DTNBP1: variants seen among roughly 807,000 people sequenced by gnomAD.
The protein encoded by DTNBP1 is dysbindin.
Under a neutral mutation model 42.8 loss-of-function variants are expected in DTNBP1, and 35 were observed. The ratio of observed to expected loss-of-function variants is 0.82; its 90% confidence interval spans 0.63 to 1.09. DTNBP1 has a LOEUF of 1.09. Ranked by LOEUF, DTNBP1 falls within the 50% of genes least tolerant of loss-of-function variation. DTNBP1 has a pLI of 0.00. For synonymous variants in DTNBP1, 171 were observed against 162.2 expected, an observed-to-expected ratio of 1.05 and a Z score of -0.41; for missense variants, 457 against 424.2, an observed-to-expected ratio of 1.08 and a Z score of -0.68.
intron 7 of DTNBP1, among the ~76,000 whole-genome samples, chr6:15,570,887 T>TA (rs1316622199): frequency 1.3e-5 from 2 of 151,918 alleles, no homozygotes; most frequent in African/African-American, 4.8e-5. Flanking sequence ...ACTTAGAAAA[T>TA]AAAAAATTAG....
intron 5 of DTNBP1, among the ~76,000 whole-genome samples, chr6:15,622,937 T>G (rs947730129): frequency 6.6e-6 from 1 of 152,218 alleles, no homozygotes; most frequent in African/African-American, 2.4e-5. Flanking sequence ...ATAATTAGCC[T>G]TATGGAACAA....
At chr6:15,641,184 A>C (rs1426197052) in intron 3 of DTNBP1, among the ~76,000 whole-genome samples, 1 of 152,156 alleles carries the variant, frequency 6.6e-6, no homozygotes, top group Non-Finnish European at 1.5e-5. Flanking sequence ...TCAATAACAG[A>C]TGCAATTGTT....
At chr6:15,545,920 C>T (rs747570688) in intron 7 of DTNBP1, 5 of 358,452 alleles carry the variant, frequency 1.4e-5, no homozygotes, top group Admixed American at 3.7e-5. Context: ...GTTTAGAAGA[C>T]CGGGGTCTGA....
At chr6:15,640,529 A>T (rs1307403447) in intron 3 of DTNBP1, among the ~76,000 whole-genome samples, 1 of 152,260 alleles carries the variant, frequency 6.6e-6, no homozygotes, top group Admixed American at 6.5e-5. Context: ...AGTTAGGAAG[A>T]TGAACACACA....
intron 7 of DTNBP1, among the ~76,000 whole-genome samples, chr6:15,573,026 C>T (rs916325635): frequency 1.3e-5 from 2 of 152,188 alleles, no homozygotes; most frequent in African/African-American, 4.8e-5. Flanking sequence ...GCCACCACAC[C>T]TAGAATTCCA....
intron 7 of DTNBP1, among the ~76,000 whole-genome samples, chr6:15,538,980 C>T (rs933142913): frequency 2.0e-5 from 3 of 152,138 alleles, no homozygotes; most frequent in Non-Finnish European, 4.4e-5. Flanking sequence ...CCGTTATCTG[C>T]CTTAGTCCCT....
chr6:15,598,449 A>C (rs1776596285), intron 6 of DTNBP1, among the ~76,000 whole-genome samples: 2 of 152,196 alleles, frequency 1.3e-5, no homozygotes, highest in Admixed American at 6.5e-5. Context: ...TCATGTGTAG[A>C]AATGTTTAGG....
chr6:15,593,319 A>G (rs1362551881), intron 6 of DTNBP1, among the ~76,000 whole-genome samples: 1 of 152,218 alleles, frequency 6.6e-6, no homozygotes, highest in Non-Finnish European at 1.5e-5. Context: ...CAGAATCCAA[A>G]TAATAATCTA....
chr6:15,532,590 A>G (rs1308479490), intron 8 of DTNBP1, among the ~76,000 whole-genome samples: 1 of 152,148 alleles, frequency 6.6e-6, no homozygotes, highest in Non-Finnish European at 1.5e-5. Context: ...AACACACGAA[A>G]AGCAGTAACA....
At chr6:15,542,989 C>T (rs955157949) in intron 7 of DTNBP1, among the ~76,000 whole-genome samples, 2 of 152,040 alleles carry the variant, frequency 1.3e-5, no homozygotes, top group African/African-American at 4.8e-5. Flanking sequence ...CATGAGACAC[C>T]GTGCCCGGCC....
At chr6:15,649,668 T>C (rs1018040890) in intron 3 of DTNBP1, among the ~76,000 whole-genome samples, 1 of 152,234 alleles carries the variant, frequency 6.6e-6, no homozygotes, top group Non-Finnish European at 1.5e-5. Flanking sequence ...ATTTTTAAAA[T>C]TAAAAATATG....
intron 1 of DTNBP1, chr6:15,660,416 G>C: frequency 7.8e-7 from 1 of 1,289,746 alleles, no homozygotes; most frequent in Non-Finnish European, 1.0e-6. Context: ...CTAGAGGTCC[G>C]GGTCTACTGG....
At chr6:15,636,719 CAA>C (rs1257033047) in intron 4 of DTNBP1, among the ~76,000 whole-genome samples, 1 of 152,202 alleles carries the variant, frequency 6.6e-6, no homozygotes, top group African/African-American at 2.4e-5. Context: ...TCCCCACAGA[CAA>C]AGTCTCCTAT....
chr6:15,565,266 G>C (rs537717778), intron 7 of DTNBP1, among the ~76,000 whole-genome samples: 1 of 152,240 alleles, frequency 6.6e-6, no homozygotes, highest in South Asian at 2.1e-4. Context: ...TCTGGAAAAT[G>C]GTTTGTCAAT....
chr6:15,595,247 C>T (rs771320307), intron 6 of DTNBP1: 29 of 378,746 alleles, frequency 7.7e-5, no homozygotes, highest in South Asian at 4.6e-4. Context: ...CAGTATTATG[C>T]AACTTTTTTT....
At chr6:15,612,099 T>C (rs1758439099) in intron 6 of DTNBP1, among the ~76,000 whole-genome samples, 1 of 152,162 alleles carries the variant, frequency 6.6e-6, no homozygotes, top group Admixed American at 6.5e-5. Flanking sequence ...GCAAACTTCA[T>C]TGTTATCTTA....
At chr6:15,526,791 TTGTC>T (rs1772435121) in intron 8 of DTNBP1, among the ~76,000 whole-genome samples, 2 of 152,206 alleles carry the variant, frequency 1.3e-5, no homozygotes, top group South Asian at 2.1e-4. Flanking sequence ...TTTTGAAAGT[TTGTC>T]TGTGCCATCT....
At chr6:15,524,259 A>T (rs1561931656) in intron 9 of DTNBP1, 1 of 1,598,558 alleles carries the variant, frequency 6.3e-7, no homozygotes, top group South Asian at 1.1e-5. Context: ...GTGGTAAAGG[A>T]GGGAAAACAA....
intron 7 of DTNBP1, among the ~76,000 whole-genome samples, chr6:15,543,199 T>C (rs772515864): frequency 2.4e-4 from 36 of 152,190 alleles, no homozygotes; most frequent in Admixed American, 7.9e-4. Context: ...TTAGGATGAC[T>C]ATATGAAATT....
Sources: gnomAD v4.1 joint callset for allele counts (sites outside exome capture counted in the v4.1 genomes callset) on GRCh38, gnomAD v4.1.1 for gene constraint, MANE v1.5 for transcripts, NCBI Gene and HGNC (gene_info 2026-07-23, HGNC 2026-07-21) for gene names.